Variants in SEMA3G observed in about 807,000 individuals in gnomAD.
SEMA3G encodes semaphorin 3G, also known as semaphorin-3G.
A neutral mutation model predicts 86.2 loss-of-function variants in SEMA3G; 70 were observed. The observed-to-expected ratio is 0.81, with a 90% CI of 0.67 to 0.99. The LOEUF is 0.99. Among genes scored for constraint, SEMA3G ranks in the 50% least tolerant of loss-of-function variants. The pLI, the probability that SEMA3G is intolerant of heterozygous loss-of-function variation, is 0.00. For missense variants in SEMA3G, 1,002 were observed against 1,072.4 expected (o/e 0.93, Z 0.92); for synonymous variants, 416 against 441.4 (o/e 0.94, Z 0.72).
At chr3:52,438,336 A>G (rs1296900935) in intron 13 of SEMA3G, 137 bp from the exon 14 acceptor site, 1 of 1,423,288 alleles carries the variant, frequency 7.0e-7, no homozygotes. Context: ...CATTCAAAAA[A>G]CAAAAAGTGT....
intron 14 of SEMA3G, 150 bp from the exon 15 acceptor site, chr3:52,437,816 C>T (rs1384807544): frequency 1.8e-6 from 2 of 1,135,280 alleles, no homozygotes; most frequent in Non-Finnish European, 2.5e-6. Context: ...TCCAAAGACC[C>T]TGCTTCCATG....
chr3:52,433,528 A>G lies in SEMA3G; in HGVS notation c.*2075T>C, dbSNP rs1015526472. On this transcript the variant is annotated 3_prime_UTR_variant, in exon 16 of 16. Transcript: ENST00000231721. ...CTCGCATTTACGGGGCGTTTCCAGGAGTTAATAGCATACAGTACCATGGGT... is the reference window on the plus strand; with the variant it reads ...CTCGCATTTACGGGGCGTTTCCAGGGGTTAATAGCATACAGTACCATGGGT... The G allele has an allele frequency of 2.6e-5, 4 of 152,646 alleles. No homozygotes were observed. Among genetic ancestry groups the G allele is most frequent in the African/African-American group, 9.7e-5 (4 of 41,438 alleles). 9.5% of individuals were successfully genotyped at this position (152,646 alleles called of 1,614,324 possible).
At position 52,435,317 on chromosome 3, in the gene SEMA3G, C is replaced by G. The variant is rs776226693; in HGVS notation, c.*286G>C. 1 of 485,988 alleles carries G rather than the reference C, an allele frequency of 2.1e-6. No individual in the cohort carries two copies. The highest frequency in any genetic ancestry group is 3.6e-5 in the East Asian group (1 of 27,522). The allele number at this position is 485,988 out of a possible 1,614,324, so 30.1% of individuals were successfully genotyped here. ...TCTGGGCACACCCGGAAATGTGTTGCGGAAGCCAGGCCATCTCTGAGAACA... is the reference window on the plus strand; with the variant it reads ...TCTGGGCACACCCGGAAATGTGTTGGGGAAGCCAGGCCATCTCTGAGAACA... On this transcript the variant is annotated 3_prime_UTR_variant, in exon 16 of 16. Transcript: ENST00000231721.
Position 52,441,596 on chromosome 3 carries a change from G to A in SEMA3G, c.645C>T (p.Asp215=), listed in dbSNP as rs41292358. The part of the protein sequence containing the change: ...SGGPRPALRS[D]SDQSLLHDPR... ...CACCGTGCAAGAGACTCTGGTCAGA[G>A]TCGGAACGCAGAGCTGGCCGAGGAC... Residue 215 remains aspartate, a synonymous_variant, in exon 6 of 16, where the codon GAC becomes GAT. Transcript: ENST00000231721. 1.9e-6 allele frequency: 3 copies of A among 1,613,514 alleles called. No homozygotes were observed. The South Asian group carries it at 3.3e-5, about 18-fold the overall frequency.
Position 52,442,175 on chromosome 3 carries a change from C to T in SEMA3G, c.459+10G>A, listed in dbSNP as rs774508922. 1.2e-6 allele frequency: 2 copies of T among 1,611,674 alleles called. No homozygotes were observed. The highest frequency in any genetic ancestry group is 1.3e-5 in the African/African-American group (1 of 74,878). The stretch of plus-strand genomic sequence containing the variant: ...CTCCCAGTCCCTTGTGGGGCCTGGC[C>T]CAGGCTCACCTCCCCACGGTGGCCA... On this transcript the variant is annotated intron_variant, in intron 4 of 15. Transcript: ENST00000231721. This position sits in a 1 kb window ranked among gnomAD's most constrained non-coding sequence, Gnocchi z 6.1.
intron 15 of SEMA3G, 127 bp from the exon 16 acceptor site, chr3:52,436,200 C>T (rs1276699260): frequency 6.9e-7 from 1 of 1,439,136 alleles, no homozygotes; most frequent in East Asian, 2.5e-5. Context: ...TTCTCCCCTT[C>T]CCAGGAGGGG....
Position 52,435,367 on chromosome 3 carries a change from A to G in SEMA3G, c.*236T>C, listed in dbSNP as rs1435967025. 7.3e-6 allele frequency: 4 copies of G among 549,664 alleles called. No homozygotes were observed. Among genetic ancestry groups the G allele is most frequent in the Non-Finnish European group, 1.3e-5 (4 of 309,674 alleles). The allele number at this position is 549,664 out of a possible 1,614,324, so 34.0% of individuals were successfully genotyped here. A position where few individuals can be genotyped will look rare whatever the true frequency, so the allele number is the denominator to read the frequency against. ...AAATGGCAGATCCCTTGGGGCTGCC[A>G]GCAGCCAGAGGGTGCTGGCTCCAGC... On this transcript the variant is annotated 3_prime_UTR_variant, in exon 16 of 16. Coordinates refer to ENST00000231721, the MANE Select transcript of SEMA3G (RefSeq NM_020163.3).
Position 52,440,753 on chromosome 3 carries a change from C to CCTGA in SEMA3G, c.995_998dup (p.Ala334GlnfsTer71). ...AAGGCCGGGGTGCTGGGTGTGCCCA[C>CCTGA]CTGACGGTGCTGAACAGCGCGTACA... On this transcript the variant is annotated frameshift_variant and splice_region_variant. Transcript: ENST00000231721. LOFTEE classifies it high-confidence loss of function. 1.2e-6 allele frequency: 2 copies of CCTGA among 1,611,686 alleles called. No homozygotes were observed. Among genetic ancestry groups the CCTGA allele is most frequent in the Non-Finnish European group, 1.7e-6 (2 of 1,179,022 alleles).
At position 52,444,938 on chromosome 3, in the gene SEMA3G, C is replaced by T. The variant is rs373691162; in HGVS notation, c.90G>A (p.Val30=). The T allele has an allele frequency of 2.2e-4, 291 of 1,303,718 alleles. 1 individual carries two copies. The Middle Eastern group carries it at 4.1e-3, about 18-fold the overall frequency. 80.8% of individuals were successfully genotyped at this position (1,303,718 alleles called of 1,614,324 possible). Residue 30 remains valine, a synonymous_variant, in exon 1 of 16, where the codon GTG becomes GTA. Transcript: ENST00000231721. The part of the protein sequence containing the change: ...GSSGPSPGPS[V]PRLRLSYRDL... The stretch of plus-strand genomic sequence containing the variant: ...CTCGGTAGGAGAGCCGCAGGCGGGG[C>T]ACACTGGGGCCGGGGCTGGGGCCAG...
chr3:52,444,238 C>G (rs1261850044), intron 1 of SEMA3G, among the ~76,000 whole-genome samples: 1 of 152,162 alleles, frequency 6.6e-6, no homozygotes, highest in Non-Finnish European at 1.5e-5. Flanking sequence ...CTGCCTGGTC[C>G]CTTCCTCTGT....
chr3:52,436,657 A>G (rs115424796), intron 15 of SEMA3G, among the ~76,000 whole-genome samples: 2,712 of 152,350 alleles, frequency 0.018, 45 homozygotes, highest in African/African-American at 0.046. Flanking sequence ...CTGATCGCCC[A>G]TCACAGCGTG....
Position 52,436,045 on chromosome 3 carries a change from G to C in SEMA3G, c.1907C>G (p.Thr636Arg). The C allele has an allele frequency of 6.2e-7, 1 of 1,612,196 alleles. No homozygotes were observed. Reference sequence around the variant, plus strand: ...CCTGCGGAACAGCAGCCCCCGCTCCGTGTGCAAGACTCGCTCGTCCGTCTT... The same window carrying C: ...CCTGCGGAACAGCAGCCCCCGCTCCCTGTGCAAGACTCGCTCGTCCGTCTT... ...QVKTDERVLH[T>R]ERGLLFRRLS... is the part of the protein sequence containing the mutation. Residue 636 changes from threonine (T) to arginine (R), a missense_variant, in exon 16 of 16, where the codon ACG becomes AGG. By Grantham distance (71) the Thr-to-Arg change is moderately conservative. Coordinates refer to ENST00000231721, the MANE Select transcript of SEMA3G (RefSeq NM_020163.3).
chr3:52,437,038 G>A (rs551854912), intron 15 of SEMA3G, among the ~76,000 whole-genome samples: 1 of 152,326 alleles, frequency 6.6e-6, no homozygotes, highest in South Asian at 2.1e-4. Flanking sequence ...TGGACTCCAG[G>A]GAGGAAGTGT....
At position 52,442,185 on chromosome 3, in the gene SEMA3G, C is replaced by CT; in HGVS notation, c.458dup (p.His154AlafsTer41). 1 of 1,612,936 alleles carries CT rather than the reference C, an allele frequency of 6.2e-7. No homozygotes were observed. Among genetic ancestry groups the CT allele is most frequent in the Non-Finnish European group, 8.5e-7 (1 of 1,179,458 alleles). On this transcript the variant is annotated frameshift_variant and splice_region_variant, in exon 4 of 16. Coordinates refer to ENST00000231721, the MANE Select transcript of SEMA3G (RefSeq NM_020163.3). LOFTEE classifies it high-confidence loss of function. This position sits in a 1 kb window ranked among gnomAD's most constrained non-coding sequence, Gnocchi z 6.1. ...CTTGTGGGGCCTGGCCCAGGCTCAC[C>CT]TCCCCACGGTGGCCAACTGTGATGA...
chr3:52,445,019 G>A lies in SEMA3G; in HGVS notation c.9C>T (p.Pro3=), dbSNP rs1282192160. The A allele has an allele frequency of 3.1e-6, 4 of 1,281,692 alleles. No homozygotes were observed. Among genetic ancestry groups the A allele is most frequent in the Non-Finnish European group, 4.0e-6 (4 of 1,008,486 alleles). The allele number at this position is 1,281,692 out of a possible 1,614,324, so 79.4% of individuals were successfully genotyped here. Residue 3 remains proline, a synonymous_variant, in exon 1 of 16, where the codon CCC becomes CCT. Coordinates refer to ENST00000231721, the MANE Select transcript of SEMA3G (RefSeq NM_020163.3). MA[P]SAWAICWLLG... is the part of the protein sequence containing the mutation. ...GCAGCCAGCAAATGGCCCAGGCCGAGGGGGCCATGCTGGGGAACTGAGGGC... is the reference window on the plus strand; with the variant it reads ...GCAGCCAGCAAATGGCCCAGGCCGAAGGGGCCATGCTGGGGAACTGAGGGC...
Position 52,442,356 on chromosome 3 carries a change from C to G in SEMA3G, c.340-52G>C. On this transcript the variant is annotated intron_variant, in intron 3 of 15. Coordinates refer to ENST00000231721, the MANE Select transcript of SEMA3G (RefSeq NM_020163.3). This position sits in a 1 kb window ranked among gnomAD's most constrained non-coding sequence, Gnocchi z 6.1. ...AGGGGTGAGAGGGGGTGCCCACCAT[C>G]TCCTTGGGGCCCAAGGCTCAGCCCT... 6.3e-7 allele frequency: 1 copy of G among 1,589,358 alleles called. No homozygotes were observed.
intron 13 of SEMA3G, 89 bp from the exon 14 acceptor site, chr3:52,438,288 C>CTG (rs1706087340): frequency 7.0e-7 from 1 of 1,431,824 alleles, no homozygotes; most frequent in African/African-American, 1.4e-5. Context: ...CCTGAGACCC[C>CTG]TGCCACTTGC....
chr3:52,441,497 G>A lies in SEMA3G; in HGVS notation c.667+77C>T, dbSNP rs1024430069. 6.3e-6 allele frequency: 10 copies of A among 1,582,008 alleles called. No individual in the cohort carries two copies. In the South Asian group the frequency reaches 1.1e-4, roughly 18 times the overall value. On this transcript the variant is annotated intron_variant, in intron 6 of 15. Transcript: ENST00000231721. Reference sequence around the variant, plus strand: ...CCAGTGGGGAGAGGAATGGGGCAGGGGACTCCCACTGGAGGCTGGTGTCCT... The same window carrying A: ...CCAGTGGGGAGAGGAATGGGGCAGGAGACTCCCACTGGAGGCTGGTGTCCT...
chr3:52,441,717 CA>C (rs776770980), intron 5 of SEMA3G, 27 bp from the exon 6 acceptor site: 8 of 1,604,426 alleles, frequency 5.0e-6, no homozygotes, highest in Non-Finnish European at 6.8e-6. Flanking sequence ...GGAACAGAGT[CA>C]GGGGAGGAGG....
Sources: allele counts gnomAD v4.1 joint callset (sites outside exome capture counted in the v4.1 genomes callset), GRCh38; gene constraint gnomAD v4.1.1; non-coding constraint Gnocchi (gnomAD v3.1); transcripts MANE v1.5; gene names NCBI Gene and HGNC (gene_info 2026-07-23, HGNC 2026-07-21).